WNT5B: variants seen among roughly 807,000 people sequenced by gnomAD.
The protein encoded by WNT5B is protein Wnt-5b.
WNT5B carries 18 observed loss-of-function variants against 36.5 expected under a neutral mutation model. The ratio of observed to expected loss-of-function variants is 0.49; its 90% CI spans 0.34 to 0.73. The LOEUF (loss-of-function observed/expected upper bound fraction) is 0.73. Ranked by LOEUF, WNT5B falls within the 30% of genes least tolerant of loss-of-function variation. The pLI, the probability that WNT5B is intolerant of heterozygous loss-of-function variation, is 0.01. For missense variants in WNT5B, 424 were observed against 508.4 expected, an observed-to-expected ratio of 0.83 and a Z score of 1.60; for synonymous variants, 213 against 212.3, an observed-to-expected ratio of 1.00 and a Z score of -0.03.
At chr12:1,623,187 GTTTTTTTTTTTTTTTT>G (rs771500550) in intron 1 of WNT5B, among the ~76,000 whole-genome samples, 1 of 58,366 alleles carries the variant, frequency 1.7e-5, no homozygotes, top group African/African-American at 7.2e-5. Context: ...GTTTTTTGTT[GTTTTTTTTTTTTTTTT>G]TTTTTTTTTT....
chr12:1,642,125 T>C (rs933878065), intron 4 of WNT5B, among the ~76,000 whole-genome samples: 8 of 152,218 alleles, frequency 5.3e-5, no homozygotes, highest in African/African-American at 1.9e-4. Flanking sequence ...TATGATAGGC[T>C]AACCCAGGGC....
rs1404660628 is a variant in WNT5B, at chr12:1,622,213, C to G, written c.-58+5070C>G. On this transcript the variant is annotated intron_variant, in intron 1 of 4. Coordinates refer to the WNT5B transcript ENST00000310594. ...GCAAGCTCCGCTTCCCGGGTTCACG[C>G]CATTCTCCTGCTTCAGCCTCCTGAG... Among the ~76,000 whole-genome samples, 6 of 151,532 alleles carry G rather than the reference C, an allele frequency of 4.0e-5. No individual in the cohort carries two copies. The East Asian group carries it at 1.2e-3, about 30-fold the overall frequency.
chr12:1,617,635 A>T (rs569574928), intron 1 of WNT5B, among the ~76,000 whole-genome samples: 87 of 152,274 alleles, frequency 5.7e-4, no homozygotes, highest in African/African-American at 1.9e-3. Flanking sequence ...TATCTCAAAA[A>T]AAAGAAAAGA....
intron 1 of WNT5B, among the ~76,000 whole-genome samples, chr12:1,622,071 T>A (rs368117169): frequency 7.9e-5 from 12 of 151,208 alleles, no homozygotes; most frequent in East Asian, 7.8e-4. Flanking sequence ...TCCCACATCC[T>A]GAGTACAGCT....
chr12:1,645,948 G>A lies in WNT5B; in HGVS notation c.776G>A (p.Arg259His), dbSNP rs763794129. The A allele has an allele frequency of 1.9e-5, 30 of 1,610,044 alleles. No individual in the cohort carries two copies. Among genetic ancestry groups the A allele is most frequent in the Non-Finnish European group, 2.3e-5 (27 of 1,179,782 alleles). The change falls in exon 5 of 5, where the codon CGC becomes CAC. Residue 259 changes from arginine (R) to histidine (H), a missense_variant. Physicochemically the swap from Arg to His is conservative, Grantham distance 29 (BLOSUM62 0). Coordinates refer to ENST00000397196, the MANE Select transcript of WNT5B (RefSeq NM_032642.3). ...AGCGCGGCCGCCATGCGCGTCACCC[G>A]CAAGGGCCGGCTGGAGCTGGTCAAC... ...YDSAAAMRVT[R>H]KGRLELVNSR...
Position 1,644,120 on chromosome 12 carries a change from A to G in WNT5B, c.622-1674A>G, listed in dbSNP as rs1388051231. On this transcript the variant is annotated intron_variant, in intron 4 of 4. Transcript: ENST00000397196. This position sits in a 1 kb window ranked among gnomAD's most constrained non-coding sequence, Gnocchi z 5.1. The stretch of plus-strand genomic sequence containing the variant: ...CTCTCAGCAGTGCCAGACGCCTGTC[A>G]TCCATCTCTAAGCCAAGGACCATTT... Among the ~76,000 whole-genome samples the G allele has an allele frequency of 2.0e-5, 3 of 152,200 alleles. No individual in the cohort carries two copies. Among genetic ancestry groups the G allele is most frequent in the Non-Finnish European group, 4.4e-5 (3 of 68,042 alleles).
intron 4 of WNT5B, 88 bp from the exon 5 acceptor site, chr12:1,645,706 G>A (rs1480247395): frequency 1.6e-6 from 2 of 1,286,560 alleles, no homozygotes; most frequent in African/African-American, 1.5e-5. Context: ...GGCCCCTCCT[G>A]TGTACTAGGC....
intron 1 of WNT5B, 71 bp from the exon 2 acceptor site, chr12:1,631,227 C>T (rs2094550146): frequency 7.0e-7 from 1 of 1,421,594 alleles, no homozygotes; most frequent in South Asian, 1.4e-5. Context: ...CTTTCTCCGC[C>T]TCACCCCGGC....
chr12:1,619,874 C>A (rs1025001764), intron 1 of WNT5B, among the ~76,000 whole-genome samples: 2 of 152,086 alleles, frequency 1.3e-5, no homozygotes, highest in Non-Finnish European at 2.9e-5. Context: ...GTTGTCTCTA[C>A]CTAAATTTCC....
intron 3 of WNT5B, among the ~76,000 whole-genome samples, chr12:1,635,427 A>C (rs1412922927): frequency 1.3e-5 from 2 of 152,230 alleles, no homozygotes; most frequent in South Asian, 4.1e-4. Context: ...AGAGCTGTCA[A>C]ATGGGAAAGG....
intron 4 of WNT5B, 113 bp from the exon 5 acceptor site, chr12:1,645,681 A>G: frequency 2.1e-6 from 2 of 956,510 alleles, no homozygotes; most frequent in Non-Finnish European, 3.1e-6. Flanking sequence ...AAAGCTATCT[A>G]TCCCCTACCC....
chr12:1,646,026 C>G lies in WNT5B; in HGVS notation c.854C>G (p.Pro285Arg). 1 of 1,612,968 alleles carries G rather than the reference C, an allele frequency of 6.2e-7. No homozygotes were observed. The change falls in exon 5 of 5, where the codon CCC becomes CGC. Residue 285 changes from proline (P) to arginine (R), a missense_variant. By Grantham distance (103) the Pro-to-Arg change is moderately radical. Transcript: ENST00000397196. Reference sequence around the variant, plus strand: ...GACCTGGTCTATGTGGACCCCAGCCCCGACTACTGCCTGCGCAACGAGAGC... The same window carrying G: ...GACCTGGTCTATGTGGACCCCAGCCGCGACTACTGCCTGCGCAACGAGAGC... The part of the protein sequence containing the change: ...PEDLVYVDPS[P>R]DYCLRNESTG...
chr12:1,633,167 G>A lies in WNT5B; in HGVS notation c.328+262G>A, dbSNP rs567528461. On this transcript the variant is annotated intron_variant, in intron 3 of 4. Transcript: ENST00000397196. The surrounding 1 kb of genome is among the most constrained non-coding windows in gnomAD (Gnocchi z 4.8). The stretch of plus-strand genomic sequence containing the variant: ...GCAGGTTGCTTGGGACTCACTGAGA[G>A]GGGGCAGGTTGCTTGGGACTCACTG... Among the ~76,000 whole-genome samples the A allele has an allele frequency of 2.0e-5, 3 of 152,016 alleles. No individual in the cohort carries two copies. The highest frequency in any genetic ancestry group is 1.9e-4 in the East Asian group (1 of 5,186).
At position 1,646,504 on chromosome 12, in the gene WNT5B, G is replaced by A. The variant is rs2094585942; in HGVS notation, c.*252G>A. ...TCCCTCTGGCGAGGACTCTCAGGATGTAGGGACTTGGAAATATTTACTGTC... is the reference window on the plus strand; with the variant it reads ...TCCCTCTGGCGAGGACTCTCAGGATATAGGGACTTGGAAATATTTACTGTC... On this transcript the variant is annotated 3_prime_UTR_variant, in exon 5 of 5. Coordinates refer to ENST00000397196, the MANE Select transcript of WNT5B (RefSeq NM_032642.3). 4.3e-6 allele frequency: 1 copy of A among 230,816 alleles called. No homozygotes were observed. The allele number at this position is 230,816 out of a possible 1,614,324, so 14.3% of individuals were successfully genotyped here. A position where few individuals can be genotyped will look rare whatever the true frequency, so the allele number is the denominator to read the frequency against.
rs550598178 is a variant in WNT5B at position 1,621,143 on chromosome 12, T to C, written c.-58+4000T>C. Among the ~76,000 whole-genome samples the C allele has an allele frequency of 2.7e-5, 4 of 150,644 alleles. No homozygotes were observed. In the South Asian group the frequency reaches 6.4e-4, roughly 24 times the overall value. On this transcript the variant is annotated intron_variant, in intron 1 of 4. Coordinates refer to the WNT5B transcript ENST00000310594. Reference sequence around the variant, plus strand: ...CTTGTAGTAGCTCATAGTATGACAATAGGAATGTTGAGTAGGGAATATATT... The same window carrying C: ...CTTGTAGTAGCTCATAGTATGACAACAGGAATGTTGAGTAGGGAATATATT...
intron 3 of WNT5B, among the ~76,000 whole-genome samples, chr12:1,639,382 C>G (rs1050637335): frequency 3.9e-5 from 6 of 152,198 alleles, no homozygotes; most frequent in African/African-American, 1.4e-4. Flanking sequence ...TCGTGGTCCG[C>G]CCGCCCCGGC....
At chr12:1,627,522 C>T (rs1254585095), upstream of WNT5B, among the ~76,000 whole-genome samples, 1 of 152,202 alleles carries the variant, frequency 6.6e-6, no homozygotes, top group East Asian at 1.9e-4. The surrounding 1 kb of genome is among the most constrained non-coding windows in gnomAD (Gnocchi z 5.0). Flanking sequence ...CTTTACCTGT[C>T]CCGGTCTCTC....
rs1387796303 is a variant in WNT5B, at chr12:1,631,430, T to G, written c.76T>G (p.Trp26Gly). The G allele has an allele frequency of 6.2e-7, 1 of 1,613,948 alleles. No individual in the cohort carries two copies. Residue 26 changes from tryptophan to glycine, a missense_variant, in exon 2 of 5, where the codon TGG (tryptophan) becomes GGG (glycine). Transcript: ENST00000397196. ...WAQLLTDANS[W>G]WSLALNPVQR... is the part of the protein sequence containing the mutation. ...TCAGCTTCTGACAGACGCCAACTCC[T>G]GGTGGTGAGTAAGAGGGGCTGAGGT...
intron 1 of WNT5B, among the ~76,000 whole-genome samples, chr12:1,620,705 ATTTT>A (rs746469978): frequency 4.8e-5 from 5 of 105,156 alleles, no homozygotes; most frequent in Admixed American, 1.0e-4. Flanking sequence ...CACCCAGCAA[ATTTT>A]TTTTTTTTTT....
Sources: allele counts gnomAD v4.1 joint callset (sites outside exome capture counted in the v4.1 genomes callset), GRCh38; gene constraint gnomAD v4.1.1; non-coding constraint Gnocchi (gnomAD v3.1); transcripts MANE v1.5; gene names NCBI Gene and HGNC (gene_info 2026-07-23, HGNC 2026-07-21).